P2RY14: variants seen among roughly 807,000 people sequenced by gnomAD.
P2RY14 encodes the protein purinergic receptor P2Y14, also known as P2Y purinoceptor 14.
Under a neutral mutation model 0.9 loss-of-function variants are expected in P2RY14, and 2 were observed. The observed-to-expected ratio is 2.16, with a 90% CI of 0.88 to 6.79. The LOEUF (loss-of-function observed/expected upper bound fraction) is 6.79. Among genes scored for constraint, P2RY14 ranks in the 30% most tolerant of loss-of-function variants. The probability of loss-of-function intolerance (pLI) is 0.05; values close to 1 mark genes in which losing one functional copy is unlikely to be tolerated. For synonymous variants in P2RY14, 158 were observed against 147.2 expected (o/e 1.07, Z -0.53); for missense variants, 378 against 400.1 (o/e 0.94, Z 0.47).
chr3:151,223,190 A>AAG (rs9289833), intron 1 of P2RY14, among the ~76,000 whole-genome samples: 9 of 150,302 alleles, frequency 6.0e-5, no homozygotes, highest in Admixed American at 6.0e-4. Context: ...AAAAAAAAAA[A>AAG]CTAGATGTCA....
intron 1 of P2RY14, chr3:151,261,375 A>G (rs1043943454): frequency 1.3e-5 from 2 of 152,134 alleles, no homozygotes; most frequent in African/African-American, 4.8e-5. Context: ...CTGATAGTCA[A>G]GTGTAGCCTA....
chr3:151,220,519 T>C (rs2149263708), intron 1 of P2RY14, among the ~76,000 whole-genome samples: 1 of 152,296 alleles, frequency 6.6e-6, no homozygotes, highest in Middle Eastern at 3.4e-3. Flanking sequence ...GCTCCCGTAA[T>C]ACCCACATGT....
At chr3:151,246,191 C>T (rs927816805) in intron 1 of P2RY14, among the ~76,000 whole-genome samples, 65 of 152,282 alleles carry the variant, frequency 4.3e-4, no homozygotes, top group African/African-American at 1.5e-3. Context: ...AATGGCCATA[C>T]TGCTCAAGGT....
intron 1 of P2RY14, among the ~76,000 whole-genome samples, chr3:151,259,584 C>A (rs1738481283): frequency 6.6e-6 from 1 of 152,146 alleles, no homozygotes; most frequent in Non-Finnish European, 1.5e-5. Context: ...TTTTCAAATA[C>A]TAAAAATTTT....
At chr3:151,263,771 C>G (rs932887338) in intron 1 of P2RY14, among the ~76,000 whole-genome samples, 9 of 150,696 alleles carry the variant, frequency 6.0e-5, no homozygotes, top group East Asian at 1.9e-4. Context: ...CCACCCCCCC[C>G]ACTTATCAGC....
chr3:151,230,570 C>CTTT (rs368433695), intron 1 of P2RY14, among the ~76,000 whole-genome samples: 9 of 139,454 alleles, frequency 6.5e-5, no homozygotes, highest in African/African-American at 2.1e-4. Context: ...TTACTCCACG[C>CTTT]TTTTTTTTTT....
At chr3:151,243,313 G>A (rs1207440859) in intron 1 of P2RY14, among the ~76,000 whole-genome samples, 7 of 151,220 alleles carry the variant, frequency 4.6e-5, no homozygotes, top group Non-Finnish European at 8.9e-5. Context: ...ACACATAATT[G>A]TCAGATTCAC....
intron 1 of P2RY14, among the ~76,000 whole-genome samples, chr3:151,237,045 CTTTTTT>C (rs56926535): frequency 1.6e-5 from 2 of 125,890 alleles, no homozygotes; most frequent in African/African-American, 6.0e-5. Flanking sequence ...TGATGCCAAA[CTTTTTT>C]TTTTTTTTTT....
At chr3:151,242,072 A>T (rs1734237507) in intron 1 of P2RY14, among the ~76,000 whole-genome samples, 1 of 152,194 alleles carries the variant, frequency 6.6e-6, no homozygotes, top group Non-Finnish European at 1.5e-5. Context: ...CGACGGGCTT[A>T]AAAAACGGGG....
intron 1 of P2RY14, among the ~76,000 whole-genome samples, chr3:151,246,708 TG>T (rs1348220510): frequency 6.6e-6 from 1 of 152,150 alleles, no homozygotes; most frequent in African/African-American, 2.4e-5. Context: ...GACATAGGCA[TG>T]GGAAGGACTT....
intron 1 of P2RY14, among the ~76,000 whole-genome samples, chr3:151,245,880 C>T (rs1735335477): frequency 6.6e-6 from 1 of 151,728 alleles, no homozygotes; most frequent in African/African-American, 2.4e-5. Context: ...CCCATCGTTT[C>T]AGCCCAAAAT....
chr3:151,273,871 A>G (rs1474944986), intron 1 of P2RY14, among the ~76,000 whole-genome samples: 1 of 152,082 alleles, frequency 6.6e-6, no homozygotes, highest in East Asian at 1.9e-4. Context: ...CATATTTAAG[A>G]CCCTCATTTT....
At chr3:151,267,092 T>G (rs1282892012) in intron 1 of P2RY14, among the ~76,000 whole-genome samples, 1 of 152,256 alleles carries the variant, frequency 6.6e-6, no homozygotes, top group Non-Finnish European at 1.5e-5. Context: ...AGTTCATTTC[T>G]TGCGTGTTAG....
intron 1 of P2RY14, among the ~76,000 whole-genome samples, chr3:151,246,332 A>G (rs1222452686): frequency 6.6e-6 from 1 of 152,116 alleles, no homozygotes. Context: ...AAGCCAAAAG[A>G]ACAAAGCTGG....
chr3:151,242,044 C>G (rs978210176), intron 1 of P2RY14, among the ~76,000 whole-genome samples: 1 of 152,122 alleles, frequency 6.6e-6, no homozygotes, highest in Non-Finnish European at 1.5e-5. Context: ...TCACTCCCAC[C>G]CGAATACTGC....
rs16863260 is a variant in P2RY14 at position 151,226,496 on chromosome 3, G to A, written c.-132-6854C>T. Among the ~76,000 whole-genome samples, 1,187 of 152,296 alleles carry A rather than the reference G, an allele frequency of 7.8e-3. 13 individuals are homozygous for A. Among genetic ancestry groups the A allele is most frequent in the African/African-American group, 0.028 (1,146 of 41,564 alleles). ...CAAACTAATGTCTGATTGATTCCAA[G>A]CCAGGGCTCCCCTGCTCCTGAAAGA... On this transcript the variant is annotated intron_variant, in intron 1 of 2. Transcript: ENST00000309170.
chr3:151,252,007 TG>T (rs1009408512), intron 1 of P2RY14, among the ~76,000 whole-genome samples: 5 of 152,168 alleles, frequency 3.3e-5, no homozygotes, highest in Admixed American at 1.3e-4. Context: ...CTGTGTAATT[TG>T]TCTGAGTTCT....
chr3:151,221,292 A>G (rs771244042), intron 1 of P2RY14, among the ~76,000 whole-genome samples: 9 of 152,240 alleles, frequency 5.9e-5, no homozygotes, highest in Non-Finnish European at 1.0e-4. Flanking sequence ...GCAGCCTGAC[A>G]ATGCAATAGA....
chr3:151,269,807 A>C (rs147057315), intron 1 of P2RY14: 6,321 of 422,354 alleles, frequency 0.015, 81 homozygotes, highest in Middle Eastern at 0.037. Context: ...AAATCTGGAA[A>C]GGATATAATG....
Sources: gnomAD v4.1 joint callset for allele counts (sites outside exome capture counted in the v4.1 genomes callset) on GRCh38, gnomAD v4.1.1 for gene constraint, MANE v1.5 for transcripts, NCBI Gene and HGNC (gene_info 2026-07-23, HGNC 2026-07-21) for gene names.